EXOC4: variants seen among roughly 807,000 people sequenced by gnomAD.
The protein encoded by EXOC4 is SEC8-like 1.
In EXOC4, 71 loss-of-function variants were observed where a neutral mutation model predicts 107.2. That is an observed-to-expected ratio of 0.66 (90% CI 0.55 to 0.81). EXOC4 has a LOEUF of 0.81. Ranked by LOEUF, EXOC4 falls within the 30% of genes least tolerant of loss-of-function variation. The pLI, the probability that EXOC4 is intolerant of heterozygous loss-of-function variation, is 0.00. For missense variants in EXOC4, 1,108 were observed against 1,189.6 expected, an observed-to-expected ratio of 0.93 and a Z score of 1.01; for synonymous variants, 456 against 441.2, an observed-to-expected ratio of 1.03 and a Z score of -0.42.
intron 13 of EXOC4, among the ~76,000 whole-genome samples, chr7:133,927,314 C>A (rs1800074099): frequency 1.3e-5 from 2 of 152,068 alleles, no homozygotes; most frequent in Non-Finnish European, 2.9e-5. Context: ...ATTTTTTCAT[C>A]CAATTCAGAT....
At chr7:133,475,276 T>A (rs1798983705) in intron 7 of EXOC4, 52 bp from the exon 8 acceptor site, 2 of 1,444,108 alleles carry the variant, frequency 1.4e-6, no homozygotes, top group Non-Finnish European at 1.9e-6. Flanking sequence ...TTTTCTTAAT[T>A]GCACATTAAA....
chr7:133,652,813 A>G (rs1226432056), intron 10 of EXOC4, among the ~76,000 whole-genome samples: 2 of 152,182 alleles, frequency 1.3e-5, no homozygotes, highest in Admixed American at 6.5e-5. Context: ...TTTACTTACA[A>G]ATAGAGAAAT....
intron 7 of EXOC4, among the ~76,000 whole-genome samples, chr7:133,397,495 A>T (rs1210183985): frequency 6.6e-6 from 1 of 152,058 alleles, no homozygotes; most frequent in Non-Finnish European, 1.5e-5. Context: ...ATTAGTTCTT[A>T]GGCATTAAGG....
intron 17 of EXOC4, among the ~76,000 whole-genome samples, chr7:134,044,552 A>G (rs1018689943): frequency 2.0e-5 from 3 of 152,194 alleles, no homozygotes; most frequent in Non-Finnish European, 4.4e-5. Flanking sequence ...CCTGGTCACC[A>G]CCTTGCTGTC....
chr7:133,508,313 A>AT (rs1799704105), intron 9 of EXOC4, among the ~76,000 whole-genome samples: 2 of 152,112 alleles, frequency 1.3e-5, no homozygotes, highest in Admixed American at 1.3e-4. Context: ...CATTACTTGA[A>AT]TTTCTGACTC....
chr7:133,421,812 C>T (rs1797614064), intron 7 of EXOC4, among the ~76,000 whole-genome samples: 1 of 152,112 alleles, frequency 6.6e-6, no homozygotes, highest in Non-Finnish European at 1.5e-5. Context: ...CCAATGCCTA[C>T]ATAATTTGTT....
chr7:133,278,176 A>G (rs560943959), intron 2 of EXOC4, among the ~76,000 whole-genome samples: 8 of 152,370 alleles, frequency 5.3e-5, no homozygotes, highest in Admixed American at 5.2e-4. Context: ...AAATGAGAGG[A>G]TAGAAAACGA....
In EXOC4 at chr7:133,987,107, A is replaced by G. The variant is rs1184737868; in HGVS notation, c.2207-10385A>G. ...TCTTAAGACCTGGTAACATATTGCT[A>G]TAGAAGTTAGGAAGGTACTATTAAT... On this transcript the variant is annotated intron_variant, in intron 14 of 17. Coordinates refer to ENST00000253861, the MANE Select transcript of EXOC4 (RefSeq NM_021807.4). Among the ~76,000 whole-genome samples the G allele has an allele frequency of 2.0e-5, 3 of 152,224 alleles. No homozygotes were observed. The East Asian group carries it at 5.8e-4, about 29-fold the overall frequency.
At chr7:133,553,524 C>T (rs546829270) in intron 9 of EXOC4, among the ~76,000 whole-genome samples, 8 of 152,138 alleles carry the variant, frequency 5.3e-5, no homozygotes, top group South Asian at 2.1e-4. Flanking sequence ...TTGCCACCTA[C>T]GTGCCTGTGC....
chr7:133,819,857 A>G (rs568711247), intron 11 of EXOC4, among the ~76,000 whole-genome samples: 1,590 of 151,402 alleles, frequency 0.011, 26 homozygotes, highest in African/African-American at 0.037. Flanking sequence ...CATTAAAATC[A>G]TAACTCATTG....
Position 133,963,555 on chromosome 7 carries a change from C to T in EXOC4, c.2206+25486C>T, listed in dbSNP as rs186979859. Among the ~76,000 whole-genome samples the T allele has an allele frequency of 4.6e-5, 7 of 152,246 alleles. No individual in the cohort carries two copies. The East Asian group carries it at 1.3e-3, about 29-fold the overall frequency. On this transcript the variant is annotated intron_variant, in intron 14 of 17. Transcript: ENST00000253861. ...CAAATAGATGTTGTGGGCCTCAGAA[C>T]CCCATGAAATAACTGCAGTGTGAAG...
chr7:133,430,351 A>G (rs1295213904), intron 7 of EXOC4, among the ~76,000 whole-genome samples: 1 of 152,182 alleles, frequency 6.6e-6, no homozygotes, highest in African/African-American at 2.4e-5. Flanking sequence ...AAAAAGCAAC[A>G]TTTGAGCGGG....
intron 9 of EXOC4, among the ~76,000 whole-genome samples, chr7:133,551,335 A>G (rs1800584083): frequency 2.0e-5 from 3 of 151,760 alleles, no homozygotes; most frequent in Non-Finnish European, 4.4e-5. Flanking sequence ...AAACCTTACT[A>G]TTGTATACTT....
intron 14 of EXOC4, among the ~76,000 whole-genome samples, chr7:133,987,756 C>T (rs1363428923): frequency 6.6e-6 from 1 of 152,152 alleles, no homozygotes. Flanking sequence ...TTTTCAATTT[C>T]TCACTTGCCT....
intron 10 of EXOC4, among the ~76,000 whole-genome samples, chr7:133,780,496 A>G (rs1416719405): frequency 6.6e-6 from 1 of 152,096 alleles, no homozygotes; most frequent in East Asian, 1.9e-4. Flanking sequence ...TATTTTTTTT[A>G]ACTGCCTTTT....
At chr7:133,583,060 T>G (rs1801315560) in intron 9 of EXOC4, among the ~76,000 whole-genome samples, 1 of 152,240 alleles carries the variant, frequency 6.6e-6, no homozygotes, top group Non-Finnish European at 1.5e-5. Context: ...TTTTAGTATA[T>G]TCACTGAGTT....
At chr7:133,681,617 A>G (rs1010561805) in intron 10 of EXOC4, among the ~76,000 whole-genome samples, 6 of 152,294 alleles carry the variant, frequency 3.9e-5, no homozygotes, top group African/African-American at 1.4e-4. Context: ...CCATGATTCA[A>G]TTACCTCCTC....
At position 134,004,956 on chromosome 7, in the gene EXOC4, A is replaced by G; in HGVS notation, c.2393A>G (p.Asn798Ser). ...HYLIPLAKEG[N>S]YAIVANVESM... ...CTTATCCCTCTTGCAAAGGAGGGGAACTATGCCATTGTGGCTAATGTGGAA... is the reference window on the plus strand; with the variant it reads ...CTTATCCCTCTTGCAAAGGAGGGGAGCTATGCCATTGTGGCTAATGTGGAA... Residue 798 changes from asparagine to serine, a missense_variant, in exon 16 of 18, where the codon AAC becomes AGC. Physicochemically the swap from Asn to Ser is conservative, Grantham distance 46. Transcript: ENST00000253861. The G allele has an allele frequency of 6.2e-7, 1 of 1,613,512 alleles. No homozygotes were observed.
intron 9 of EXOC4, among the ~76,000 whole-genome samples, chr7:133,548,887 C>T (rs1800534705): frequency 6.6e-6 from 1 of 152,188 alleles, no homozygotes; most frequent in Non-Finnish European, 1.5e-5. Context: ...CTTGTAATTT[C>T]CTTCAAGAAC....
Sources: allele counts gnomAD v4.1 joint callset (sites outside exome capture counted in the v4.1 genomes callset), GRCh38; gene constraint gnomAD v4.1.1; transcripts MANE v1.5; gene names NCBI Gene and HGNC (gene_info 2026-07-23, HGNC 2026-07-21).